The following LRP1B variants were observed in gnomAD, a reference collection of about 807,000 sequenced individuals.
The protein encoded by LRP1B is LDL receptor related protein 1B.
In LRP1B, 217 loss-of-function variants were observed where a neutral mutation model predicts 556.6. The ratio of observed to expected loss-of-function variants is 0.39; its 90% CI spans 0.35 to 0.44. The LOEUF (loss-of-function observed/expected upper bound fraction) is 0.44, where lower values mean the gene tolerates loss of function less well. LRP1B is among the 20% of genes least tolerant of loss of function. The pLI, the probability that LRP1B is intolerant of heterozygous loss-of-function variation, is 1.00. For synonymous variants in LRP1B, 2,047 were observed against 1,865.8 expected (o/e 1.10, Z -2.50); for missense variants, 5,053 against 5,620.8 (o/e 0.90, Z 3.23).
At chr2:140,253,494 T>C (rs1681545796) in intron 86 of LRP1B, among the ~76,000 whole-genome samples, 1 of 152,058 alleles carries the variant, frequency 6.6e-6, no homozygotes, top group Admixed American at 6.6e-5. Context: ...CAACAAATGA[T>C]TCATAAAAGG....
chr2:141,580,631 T>C (rs1559154540), intron 2 of LRP1B, among the ~76,000 whole-genome samples: 1 of 152,198 alleles, frequency 6.6e-6, no homozygotes. Flanking sequence ...ATAAAAATAA[T>C]AGAAATATGA....
At chr2:141,866,552 G>T (rs1256740291) in intron 1 of LRP1B, among the ~76,000 whole-genome samples, 4 of 152,150 alleles carry the variant, frequency 2.6e-5, no homozygotes, top group Non-Finnish European at 4.4e-5. Context: ...AGTAATTTCA[G>T]TGCCTGAGCT....
At chr2:142,078,210 A>T (rs1449480) in intron 1 of LRP1B, among the ~76,000 whole-genome samples, 2 of 151,964 alleles carry the variant, frequency 1.3e-5, no homozygotes, top group Admixed American at 1.3e-4. Flanking sequence ...ACATTTTCTC[A>T]ACCTCCTCTG....
At chr2:141,700,163 G>A (rs955520908) in intron 2 of LRP1B, among the ~76,000 whole-genome samples, 2 of 151,656 alleles carry the variant, frequency 1.3e-5, no homozygotes, top group Non-Finnish European at 1.5e-5. Context: ...AAGCAAAATA[G>A]TGTGGTTATT....
intron 2 of LRP1B, among the ~76,000 whole-genome samples, chr2:141,741,096 C>T (rs1040925166): frequency 6.6e-6 from 1 of 152,122 alleles, no homozygotes; most frequent in South Asian, 2.1e-4. Flanking sequence ...ATGACAGGAT[C>T]TCATTCTCTC....
At position 141,160,135 on chromosome 2, in the gene LRP1B, A is replaced by G. The variant is rs536097095; in HGVS notation, c.1013+28286T>C. ...TTTTTTAGAAGAAATAAAGAATTTT[A>G]AAAATACATGGCAATATAAGCACAT... On this transcript the variant is annotated intron_variant, in intron 7 of 90. Coordinates refer to ENST00000389484, the MANE Select transcript of LRP1B (RefSeq NM_018557.3). Among the ~76,000 whole-genome samples the G allele has an allele frequency of 3.3e-5, 5 of 152,290 alleles. No individual in the cohort carries two copies. The East Asian group carries it at 9.6e-4, about 29-fold the overall frequency.
intron 35 of LRP1B, among the ~76,000 whole-genome samples, chr2:140,751,296 G>A (rs1025655322): frequency 2.6e-5 from 4 of 151,942 alleles, no homozygotes; most frequent in Non-Finnish European, 5.9e-5. Flanking sequence ...CATGGCCTCA[G>A]TTATAACTTT....
chr2:140,401,372 G>T (rs1684492960), intron 66 of LRP1B, among the ~76,000 whole-genome samples: 1 of 152,140 alleles, frequency 6.6e-6, no homozygotes, highest in African/African-American at 2.4e-5. Context: ...ATGGAATCTG[G>T]GTGAGGCTTC....
In LRP1B at chr2:140,335,840, T is replaced by C. The variant is rs1558811216; in HGVS notation, c.11893-2A>G. ...CCTGGGCCTTTTAAATTCAGGACAC[T>C]ACAAGGAAACAAAACAACACACCAC... On this transcript the variant is annotated splice_acceptor_variant, in intron 77 of 90. Coordinates refer to ENST00000389484, the MANE Select transcript of LRP1B (RefSeq NM_018557.3). LOFTEE classifies it high-confidence loss of function. 6.3e-7 allele frequency: 1 copy of C among 1,592,114 alleles called. No homozygotes were observed. The highest frequency in any genetic ancestry group is 8.6e-7 in the Non-Finnish European group (1 of 1,161,628).
At chr2:141,937,158 G>A (rs1047649238) in intron 1 of LRP1B, among the ~76,000 whole-genome samples, 1 of 152,030 alleles carries the variant, frequency 6.6e-6, no homozygotes, top group Non-Finnish European at 1.5e-5. Flanking sequence ...GGGAGGCAGA[G>A]GCGGGCAGAT....
chr2:141,667,183 G>A (rs1271125277), intron 2 of LRP1B, among the ~76,000 whole-genome samples: 1 of 151,890 alleles, frequency 6.6e-6, no homozygotes, highest in Non-Finnish European at 1.5e-5. Context: ...ATGCTTAGTG[G>A]GTCAATACTA....
intron 1 of LRP1B, among the ~76,000 whole-genome samples, chr2:141,881,757 C>T (rs1251182212): frequency 1.3e-5 from 2 of 151,904 alleles, no homozygotes; most frequent in African/African-American, 4.8e-5. Context: ...TACTCTAAAC[C>T]TACAATTAAT....
chr2:141,385,422 T>C (rs1689794926), intron 3 of LRP1B, among the ~76,000 whole-genome samples: 1 of 152,176 alleles, frequency 6.6e-6, no homozygotes, highest in South Asian at 2.1e-4. Context: ...CCCAATCATT[T>C]TGGATAAGGT....
intron 83 of LRP1B, among the ~76,000 whole-genome samples, chr2:140,304,671 T>C (rs190685976): frequency 2.0e-5 from 3 of 152,310 alleles, no homozygotes; most frequent in Admixed American, 1.3e-4. Flanking sequence ...TAGATCCCGT[T>C]TGTCAATTCT....
At chr2:141,653,490 T>C (rs1689878127) in intron 2 of LRP1B, among the ~76,000 whole-genome samples, 1 of 152,312 alleles carries the variant, frequency 6.6e-6, no homozygotes, top group Non-Finnish European at 1.5e-5. Flanking sequence ...TCAAGGCCAA[T>C]AGAACACTGT....
intron 3 of LRP1B, among the ~76,000 whole-genome samples, chr2:141,387,130 T>C (rs990286703): frequency 6.6e-6 from 1 of 151,808 alleles, no homozygotes; most frequent in African/African-American, 2.4e-5. Flanking sequence ...CAAGGGAAAT[T>C]AGAAAATACC....
intron 11 of LRP1B, among the ~76,000 whole-genome samples, chr2:141,043,386 C>G (rs1039866125): frequency 6.6e-6 from 1 of 151,776 alleles, no homozygotes; most frequent in Non-Finnish European, 1.5e-5. Flanking sequence ...TTCATCAATG[C>G]CACAACAAAA....
chr2:141,632,865 G>T (rs986778418), intron 2 of LRP1B, among the ~76,000 whole-genome samples: 1 of 32,520 alleles, frequency 3.1e-5, no homozygotes. Context: ...AGTGCTACAA[G>T]AACCAAAAAA....
At chr2:140,610,957 A>G (rs1444314794) in intron 41 of LRP1B, among the ~76,000 whole-genome samples, 1 of 152,238 alleles carries the variant, frequency 6.6e-6, no homozygotes, top group Non-Finnish European at 1.5e-5. Flanking sequence ...TTATTATGTG[A>G]GTTAACATTT....
Sources: allele counts gnomAD v4.1 joint callset (sites outside exome capture counted in the v4.1 genomes callset), GRCh38; gene constraint gnomAD v4.1.1; transcripts MANE v1.5; gene names NCBI Gene and HGNC (gene_info 2026-07-23, HGNC 2026-07-21).